Variants in INVS observed in about 807,000 individuals in gnomAD.
INVS encodes the protein inversin, also known as inversion of embryo turning homolog.
INVS carries 86 observed loss-of-function variants against 108.8 expected under a neutral mutation model. The ratio of observed to expected loss-of-function variants is 0.79; its 90% confidence interval spans 0.66 to 0.95. INVS has a LOEUF of 0.95. Ranked by LOEUF, INVS falls within the 40% of genes least tolerant of loss-of-function variation. The pLI, the probability that INVS is intolerant of heterozygous loss-of-function variation, is 0.00. For missense variants in INVS, 1,169 were observed against 1,297.4 expected, an observed-to-expected ratio of 0.90 and a Z score of 1.52; for synonymous variants, 455 against 473.5, an observed-to-expected ratio of 0.96 and a Z score of 0.51.
chr9:100,151,538 G>A (rs1476613012), intron 3 of INVS, among the ~76,000 whole-genome samples: 1 of 152,072 alleles, frequency 6.6e-6, no homozygotes. Flanking sequence ...AAAGCGCTAA[G>A]AGATGAAGAA....
intron 3 of INVS, among the ~76,000 whole-genome samples, chr9:100,168,078 C>A (rs1028833263): frequency 1.3e-5 from 2 of 152,004 alleles, no homozygotes; most frequent in African/African-American, 4.8e-5. Flanking sequence ...TAGCCACAGA[C>A]TGTCCATTTG....
intron 8 of INVS, among the ~76,000 whole-genome samples, chr9:100,250,279 G>A (rs1832187487): frequency 6.6e-6 from 1 of 152,018 alleles, no homozygotes; most frequent in Non-Finnish European, 1.5e-5. Context: ...CTCTCACCCA[G>A]CTTCAACAAT....
At chr9:100,141,187 T>A (rs1828418434) in intron 3 of INVS, among the ~76,000 whole-genome samples, 1 of 152,060 alleles carries the variant, frequency 6.6e-6, no homozygotes, top group Non-Finnish European at 1.5e-5. Flanking sequence ...TCCAAGTTGG[T>A]CTTGGAATGA....
intron 3 of INVS, among the ~76,000 whole-genome samples, chr9:100,134,066 T>A (rs1198527384): frequency 6.6e-6 from 1 of 152,010 alleles, no homozygotes; most frequent in Non-Finnish European, 1.5e-5. Context: ...CGCACCATAT[T>A]TGTTGTCTTT....
chr9:100,262,617 T>C (rs1258008311), intron 10 of INVS, among the ~76,000 whole-genome samples: 3 of 147,192 alleles, frequency 2.0e-5, no homozygotes, highest in Non-Finnish European at 4.5e-5. Context: ...AAAAATTTTC[T>C]TTATTCCTTA....
intron 3 of INVS, among the ~76,000 whole-genome samples, chr9:100,152,710 G>C (rs985662656): frequency 6.6e-6 from 1 of 152,108 alleles, no homozygotes; most frequent in Non-Finnish European, 1.5e-5. Context: ...GTCTAAATAT[G>C]TGGTCTTTCA....
chr9:100,100,921 T>C (rs1483071771), intron 1 of INVS, among the ~76,000 whole-genome samples: 6 of 28,814 alleles, frequency 2.1e-4, no homozygotes, highest in African/African-American at 1.7e-3. Context: ...ATTATATGTA[T>C]ATATATAATA....
At chr9:100,196,077 C>T (rs556143562) in intron 3 of INVS, among the ~76,000 whole-genome samples, 1 of 152,178 alleles carries the variant, frequency 6.6e-6, no homozygotes, top group South Asian at 2.1e-4. Context: ...TATTTCTTAA[C>T]TTTTTTGTAG....
chr9:100,149,867 AC>A (rs1317607844), intron 3 of INVS, among the ~76,000 whole-genome samples: 1 of 152,210 alleles, frequency 6.6e-6, no homozygotes, highest in African/African-American at 2.4e-5. Flanking sequence ...TTTTCTGTAT[AC>A]ATAAACTGAA....
At chr9:100,157,267 CTTTT>C (rs770493291) in intron 3 of INVS, among the ~76,000 whole-genome samples, 1 of 130,094 alleles carries the variant, frequency 7.7e-6, no homozygotes, top group African/African-American at 3.3e-5. Flanking sequence ...TCTTTTTTTT[CTTTT>C]TTTTTTTTTT....
Position 100,297,084 on chromosome 9 carries a change from G to A in INVS, c.2954G>A (p.Ser985Asn), listed in dbSNP as rs772278670. 6.2e-7 allele frequency: 1 copy of A among 1,614,008 alleles called. No homozygotes were observed. The highest frequency in any genetic ancestry group is 1.1e-5 in the South Asian group (1 of 91,072). ...ACTGCAGTAAGCAAGGCCCCCAAGA[G>A]TCCATCCAAGGGCACCTCAGGCACA... ...QTTAVSKAPKSPSKGTSGTKS... is the reference protein window; with the variant it reads ...QTTAVSKAPKNPSKGTSGTKS... Residue 985 changes from serine to asparagine, a missense_variant, in exon 15 of 17, where the codon AGT becomes AAT. Around this residue, in one of 3 missense-constraint regions of INVS, gnomAD observed 533 missense variants for 536.0 expected, o/e 0.99. Transcript: ENST00000262457.
intron 8 of INVS, among the ~76,000 whole-genome samples, chr9:100,250,896 T>G (rs1412530560): frequency 6.6e-6 from 1 of 152,216 alleles, no homozygotes; most frequent in Non-Finnish European, 1.5e-5. Flanking sequence ...TTTCTATGTT[T>G]CTGACTTACT....
intron 3 of INVS, among the ~76,000 whole-genome samples, chr9:100,222,881 T>C (rs1831197180): frequency 6.6e-6 from 1 of 151,582 alleles, no homozygotes; most frequent in African/African-American, 2.4e-5. Context: ...GGTGCCCTCT[T>C]GAGGAAATTT....
intron 3 of INVS, among the ~76,000 whole-genome samples, chr9:100,200,512 GA>G (rs1224956273): frequency 6.6e-6 from 1 of 152,090 alleles, no homozygotes. Context: ...TAGTCTAGTT[GA>G]ATCTATTAGA....
chr9:100,179,231 G>A (rs975931678), intron 3 of INVS, among the ~76,000 whole-genome samples: 1 of 151,978 alleles, frequency 6.6e-6, no homozygotes, highest in African/African-American at 2.4e-5. Flanking sequence ...CTGCATCAAC[G>A]AATAGGCAAA....
rs201691547 is a variant in INVS, at chr9:100,264,917, C to T, written c.1560C>T (p.Asn520=). The T allele has an allele frequency of 6.4e-7, 1 of 1,558,096 alleles. No individual in the cohort carries two copies. The highest frequency in any genetic ancestry group is 2.2e-5 in the East Asian group (1 of 44,484). ...DFAAFPNQME[N]NEERYTPLDY... is the part of the protein sequence containing the mutation. ...CTGCTTTCCCTAATCAGATGGAAAA[C>T]AATGAAGAGAGGTAAGTTGTTGTTG... The change falls in exon 11 of 17, where the codon AAC becomes AAT. Residue 520 remains asparagine, a synonymous_variant. Coordinates refer to ENST00000262457, the MANE Select transcript of INVS (RefSeq NM_014425.5).
chr9:100,120,212 A>G (rs1180567651), intron 2 of INVS, among the ~76,000 whole-genome samples: 1 of 152,256 alleles, frequency 6.6e-6, no homozygotes, highest in Non-Finnish European at 1.5e-5. Flanking sequence ...ATTAAAAAGT[A>G]GAGCTAAAGT....
Position 100,283,144 on chromosome 9 carries a change from C to G in INVS, c.1785-1176C>G, listed in dbSNP as rs1482767715. Among the ~76,000 whole-genome samples the G allele has an allele frequency of 2.6e-5, 4 of 152,120 alleles. No homozygotes were observed. In the East Asian group the frequency reaches 7.8e-4, roughly 30 times the overall value. ...GGCAACAAAGTGAGACCCCCCCTCCCCATCTCTACAAAAAATTTAAAAATT... is the reference window on the plus strand; with the variant it reads ...GGCAACAAAGTGAGACCCCCCCTCCGCATCTCTACAAAAAATTTAAAAATT... On this transcript the variant is annotated intron_variant, in intron 12 of 16. Transcript: ENST00000262457.
At chr9:100,216,464 G>A (rs1199321592) in intron 3 of INVS, among the ~76,000 whole-genome samples, 1 of 152,182 alleles carries the variant, frequency 6.6e-6, no homozygotes, top group Admixed American at 6.5e-5. Context: ...CAGCAGCTTT[G>A]CTTCAGACAG....
Sources: gnomAD v4.1 joint callset for allele counts (sites outside exome capture counted in the v4.1 genomes callset) on GRCh38, gnomAD v4.1.1 for gene constraint, gnomAD v4.1.1 regional missense constraint, MANE v1.5 for transcripts, NCBI Gene and HGNC (gene_info 2026-07-23, HGNC 2026-07-21) for gene names.